FBXL13: variants seen among roughly 807,000 people sequenced by gnomAD.
The protein encoded by FBXL13 is F-box and leucine-rich repeat protein 13.
Under a neutral mutation model 83.6 loss-of-function variants are expected in FBXL13, and 67 were observed. The observed-to-expected ratio is 0.80, with a 90% confidence interval of 0.66 to 0.98. The LOEUF is 0.98. Among genes scored for constraint, FBXL13 ranks in the 50% least tolerant of loss-of-function variants. The probability of loss-of-function intolerance (pLI) is 0.00; values close to 1 mark genes in which losing one functional copy is unlikely to be tolerated. For synonymous variants in FBXL13, 272 were observed against 299.5 expected (o/e 0.91, Z 0.95); for missense variants, 822 against 866.5 (o/e 0.95, Z 0.64).
chr7:102,943,223 G>A (rs1399885259), intron 8 of FBXL13, among the ~76,000 whole-genome samples: 1 of 151,930 alleles, frequency 6.6e-6, no homozygotes, highest in African/African-American at 2.4e-5. Context: ...CCCAGGAACT[G>A]TCAGATCACC....
At chr7:102,878,439 A>G (rs763065981) in exon 15 of FBXL13, 2 of 1,597,350 alleles carry the variant, frequency 1.3e-6, no homozygotes, top group Non-Finnish European at 1.7e-6. Flanking sequence ...CTTTAGTCCC[A>G]TATCACCAAT....
intron 2 of FBXL13, among the ~76,000 whole-genome samples, chr7:103,047,948 G>A (rs556773337): frequency 1.3e-5 from 2 of 152,108 alleles, no homozygotes; most frequent in South Asian, 2.1e-4. Context: ...TGCCTTCCTC[G>A]GTCTCCCAAA....
At chr7:103,032,195 A>C (rs920311423) in intron 2 of FBXL13, among the ~76,000 whole-genome samples, 2 of 152,244 alleles carry the variant, frequency 1.3e-5, no homozygotes, top group African/African-American at 4.8e-5. Flanking sequence ...AGCTTATAAA[A>C]AAATTTCATT....
chr7:102,867,689 ATATATATTTTTTTTTTT>A (rs1466744916), intron 16 of FBXL13, among the ~76,000 whole-genome samples: 1 of 75,686 alleles, frequency 1.3e-5, no homozygotes, highest in African/African-American at 8.1e-5. Context: ...ATATATATAT[ATATATATTTTTTTTTTT>A]TTTTTTTTTT....
intron 1 of FBXL13, among the ~76,000 whole-genome samples, 156 bp from the exon 2 acceptor site, chr7:103,055,903 A>C (rs561522190): frequency 6.6e-6 from 1 of 152,240 alleles, no homozygotes; most frequent in South Asian, 2.1e-4. Flanking sequence ...GTTTGGTTAC[A>C]TGAGTAAGTT....
intron 6 of FBXL13, among the ~76,000 whole-genome samples, chr7:103,016,180 C>A (rs908104719): frequency 1.3e-5 from 2 of 152,162 alleles, no homozygotes; most frequent in Admixed American, 1.3e-4. Context: ...TCATATGGAA[C>A]CACAAAAGGG....
At chr7:102,898,306 C>T (rs562476413) in intron 11 of FBXL13, among the ~76,000 whole-genome samples, 5 of 152,184 alleles carry the variant, frequency 3.3e-5, no homozygotes, top group African/African-American at 1.2e-4. Flanking sequence ...CCAAAAGCAA[C>T]GTACATGAAT....
intron 6 of FBXL13, among the ~76,000 whole-genome samples, chr7:102,996,494 T>G (rs1021044870): frequency 2.0e-5 from 3 of 152,202 alleles, no homozygotes; most frequent in African/African-American, 7.2e-5. Context: ...CAAGGAAAAA[T>G]GCCCTTTTAG....
intron 8 of FBXL13, among the ~76,000 whole-genome samples, chr7:102,940,487 G>A (rs1387325787): frequency 6.6e-6 from 1 of 152,144 alleles, no homozygotes; most frequent in Non-Finnish European, 1.5e-5. Flanking sequence ...TGGGATTACA[G>A]GCGTGAGCCA....
chr7:102,892,514 C>T (rs1811666034), intron 11 of FBXL13, among the ~76,000 whole-genome samples: 1 of 152,048 alleles, frequency 6.6e-6, no homozygotes, highest in Admixed American at 6.5e-5. Context: ...AGAAAGGACA[C>T]AAACCATTCC....
chr7:102,866,993 A>G (rs1214548443), intron 16 of FBXL13, among the ~76,000 whole-genome samples: 14 of 152,178 alleles, frequency 9.2e-5, no homozygotes, highest in Non-Finnish European at 2.9e-5. Flanking sequence ...GTGCAGTGGA[A>G]ATACAAAGAA....
chr7:103,013,244 G>A (rs556736632), intron 6 of FBXL13, among the ~76,000 whole-genome samples: 100 of 152,238 alleles, frequency 6.6e-4, no homozygotes, highest in Admixed American at 5.8e-3. Context: ...GAAAACTAAC[G>A]CAAGTATTCA....
At chr7:102,944,825 T>C (rs4061) in intron 8 of FBXL13, 5,802 of 468,116 alleles carry the variant, frequency 0.012, 48 homozygotes, top group Middle Eastern at 0.027. Flanking sequence ...TCTGGTGATA[T>C]GCAATTCCAC....
intron 8 of FBXL13, among the ~76,000 whole-genome samples, chr7:102,941,361 C>G (rs1262779168): frequency 6.6e-6 from 1 of 152,134 alleles, no homozygotes; most frequent in East Asian, 1.9e-4. Flanking sequence ...GAAAAACTCA[C>G]TTCGACCCCC....
chr7:103,065,715 G>A (rs933094255), intron 1 of FBXL13, among the ~76,000 whole-genome samples: 1 of 152,238 alleles, frequency 6.6e-6, no homozygotes, highest in African/African-American at 2.4e-5. Flanking sequence ...ACCTCCCCAA[G>A]GCTGAGATTC....
chr7:102,834,145 GAAGAC>G lies in FBXL13; in HGVS notation c.1720-1176_1720-1172del, dbSNP rs1562926695. On this transcript the variant is annotated intron_variant, in intron 17 of 19. Transcript: ENST00000313221. ...AAGAAAGAAAGAAAGAAAGAAAAGA[GAAGAC>G]AAGAGAAAAGAAAAAGGAGGAAATT... Among the ~76,000 whole-genome samples the G allele has an allele frequency of 7.4e-5, 7 of 94,794 alleles. No homozygotes were observed. In the South Asian group the frequency reaches 1.1e-3, roughly 15 times the overall value. The allele number at this position is 94,794 out of a possible 152,430, so 62.2% of individuals were successfully genotyped here. A position where few individuals can be genotyped will look rare whatever the true frequency, so the allele number is the denominator to read the frequency against.
intron 6 of FBXL13, among the ~76,000 whole-genome samples, chr7:102,975,260 C>A (rs138355526): frequency 6.6e-6 from 1 of 152,356 alleles, no homozygotes; most frequent in East Asian, 1.9e-4. Flanking sequence ...AGACTCAGTT[C>A]ATTTCCAGAA....
intron 6 of FBXL13, among the ~76,000 whole-genome samples, chr7:103,015,587 C>G (rs376212758): frequency 6.6e-6 from 1 of 152,112 alleles, no homozygotes; most frequent in East Asian, 1.9e-4. Flanking sequence ...CACTTGAGAC[C>G]AGGAGTTTGG....
At chr7:102,869,495 A>AT (rs138704096) in intron 16 of FBXL13, among the ~76,000 whole-genome samples, 28,917 of 151,746 alleles carry the variant, frequency 0.19, 3,019 homozygotes, top group East Asian at 0.43. Flanking sequence ...CCATTCGTGC[A>AT]TTTTTTTTCT....
Sources: allele counts gnomAD v4.1 joint callset (sites outside exome capture counted in the v4.1 genomes callset), GRCh38; gene constraint gnomAD v4.1.1; transcripts MANE v1.5; gene names NCBI Gene and HGNC (gene_info 2026-07-23, HGNC 2026-07-21).